The following SYCP2 variants were observed in gnomAD, a reference collection of about 807,000 sequenced individuals.
The protein encoded by SYCP2 is synaptonemal complex protein 2, also known as synaptonemal complex lateral element protein.
Under a neutral mutation model 211.3 loss-of-function variants are expected in SYCP2, and 55 were observed. The ratio of observed to expected loss-of-function variants is 0.26; its 90% CI spans 0.21 to 0.33. SYCP2 has a LOEUF of 0.33. SYCP2 is among the 10% of genes least tolerant of loss of function. SYCP2 has a pLI of 1.00. For synonymous variants in SYCP2, 570 were observed against 555.2 expected (o/e 1.03, Z -0.37); for missense variants, 1,731 against 1,752.0 (o/e 0.99, Z 0.21).
rs769374439 is a variant in SYCP2 at position 59,875,260 on chromosome 20, G to A, written c.3349+11C>T. 1.3e-6 allele frequency: 2 copies of A among 1,562,238 alleles called. No homozygotes were observed. Among genetic ancestry groups the A allele is most frequent in the Non-Finnish European group, 1.7e-6 (2 of 1,148,828 alleles). On this transcript the variant is annotated intron_variant, in intron 34 of 44. Coordinates refer to ENST00000357552, the MANE Select transcript of SYCP2 (RefSeq NM_014258.4). ...AATATTCAAGTAAAGAAAAAACAAA[G>A]TTATACTGACATCTCGTTACTTCTA... is the stretch of plus-strand genomic sequence containing the variant.
Position 59,878,036 on chromosome 20 carries a change from A to G in SYCP2, c.2951T>C (p.Leu984Ser). The G allele has an allele frequency of 6.2e-7, 1 of 1,605,564 alleles. No homozygotes were observed. Among genetic ancestry groups the G allele is most frequent in the East Asian group, 2.3e-5 (1 of 44,388 alleles). ...TTTAGAGCTTGGCTGTCCCTTTTCC[A>G]AGGATGATCCTGTAATTCAGAAAAA... ...NHKSGKSRSS[L>S]EKGQPSSKMT... is the part of the protein sequence containing the mutation. Residue 984 changes from leucine (L) to serine (S), a missense_variant, in exon 32 of 45, where the codon TTG (leucine) becomes TCG (serine). This residue lies in a region of SYCP2 where 1,387 missense variants were observed against 1,351.3 expected (regional missense o/e 1.03). Coordinates refer to ENST00000357552, the MANE Select transcript of SYCP2 (RefSeq NM_014258.4).
Position 59,916,568 on chromosome 20 carries a change from T to C in SYCP2, c.431A>G (p.Lys144Arg), listed in dbSNP as rs766534374. The C allele has an allele frequency of 6.2e-5, 99 of 1,588,894 alleles. No individual in the cohort carries two copies. Among genetic ancestry groups the C allele is most frequent in the Non-Finnish European group, 7.8e-5 (90 of 1,157,318 alleles). The change falls in exon 8 of 45, where the codon AAA (lysine) becomes AGA (arginine). Residue 144 changes from lysine to arginine, a missense_variant. Transcript: ENST00000357552. ...LVIHDVSDEG[K>R]KQVVESFVPR... Reference sequence around the variant, plus strand: ...TACGAAACTTTCCACTACTTGTTTTTTACCTGAATAAAAGTGTTAAATTAT... The same window carrying C: ...TACGAAACTTTCCACTACTTGTTTTCTACCTGAATAAAAGTGTTAAATTAT...
intron 2 of SYCP2, 119 bp from the exon 3 acceptor site, chr20:59,922,578 CCTCA>C: frequency 4.3e-6 from 2 of 470,284 alleles, no homozygotes; most frequent in Non-Finnish European, 7.4e-6. Context: ...ACATTAACTT[CCTCA>C]CTAAACACCT....
intron 19 of SYCP2, 133 bp from the exon 20 acceptor site, chr20:59,895,730 T>A: frequency 1.0e-6 from 1 of 968,284 alleles, no homozygotes; most frequent in Non-Finnish European, 1.6e-6. Flanking sequence ...GATAATTAAG[T>A]GAATATAGAT....
rs2060423643 is a variant in SYCP2, at chr20:59,915,569, T to C, written c.514-19A>G. 7.1e-7 allele frequency: 1 copy of C among 1,409,118 alleles called. No homozygotes were observed. The highest frequency in any genetic ancestry group is 1.0e-6 in the Non-Finnish European group (1 of 995,458). The allele number at this position is 1,409,118 out of a possible 1,614,324, so 87.3% of individuals were successfully genotyped here. On this transcript the variant is annotated intron_variant, in intron 8 of 44. Transcript: ENST00000357552. ...TTATAATCTAGAAAAGAAAAAAAGA[T>C]AATGCATTAACTTTACATTCAGTGA...
At chr20:59,915,590 A>C in intron 8 of SYCP2, 40 bp from the exon 9 acceptor site, 1 of 1,194,804 alleles carries the variant, frequency 8.4e-7, no homozygotes, top group African/African-American at 1.5e-5. Context: ...CTTTACATTC[A>C]GTGAAACACT....
chr20:59,866,691 A>G (rs2059344477), intron 39 of SYCP2, 102 bp from the exon 40 acceptor site: 1 of 780,446 alleles, frequency 1.3e-6, no homozygotes, highest in East Asian at 2.8e-5. Context: ...TAAATTACTA[A>G]GAAGAACTTG....
intron 34 of SYCP2, among the ~76,000 whole-genome samples, chr20:59,874,440 C>T (rs1000076332): frequency 1.3e-5 from 2 of 152,038 alleles, no homozygotes; most frequent in African/African-American, 4.8e-5. Flanking sequence ...GAGAAATCAT[C>T]TGCTCTACAT....
At chr20:59,885,430 G>A (rs947742139) in intron 26 of SYCP2, among the ~76,000 whole-genome samples, 1 of 152,086 alleles carries the variant, frequency 6.6e-6, no homozygotes, top group Non-Finnish European at 1.5e-5. Context: ...AGTTGGCCTC[G>A]ACAGGGGAGA....
intron 44 of SYCP2, 111 bp from the exon 45 acceptor site, chr20:59,864,499 C>T: frequency 1.4e-6 from 1 of 690,592 alleles, no homozygotes; most frequent in Non-Finnish European, 2.4e-6. Context: ...CATTTTAAAA[C>T]AACTTCTTTC....
At chr20:59,882,793 G>C (rs935593599) in intron 26 of SYCP2, among the ~76,000 whole-genome samples, 26 of 151,832 alleles carry the variant, frequency 1.7e-4, no homozygotes, top group Non-Finnish European at 3.1e-4. Flanking sequence ...GGAAGGAGTA[G>C]GGGGGGAACT....
intron 35 of SYCP2, among the ~76,000 whole-genome samples, chr20:59,872,165 T>C (rs2059463991): frequency 6.6e-6 from 1 of 152,028 alleles, no homozygotes; most frequent in Non-Finnish European, 1.5e-5. Flanking sequence ...GCAGTTTTGC[T>C]TTCCAGGGTT....
chr20:59,901,807 C>T lies in SYCP2; in HGVS notation c.1037G>A (p.Arg346Lys), dbSNP rs139880860. Residue 346 changes from arginine to lysine, a missense_variant, in exon 16 of 45, where the codon AGA becomes AAA. By Grantham distance (26) the Arg-to-Lys change is conservative. Around this residue, in one of 3 missense-constraint regions of SYCP2, gnomAD observed 9 missense variants for 21.9 expected, o/e 0.41. Coordinates refer to ENST00000357552, the MANE Select transcript of SYCP2 (RefSeq NM_014258.4). The stretch of plus-strand genomic sequence containing the variant: ...TATTGTCAGTAGCTTCTTTGATTCT[C>T]TCACTGTATAGAAACAACACTGATT... The part of the protein sequence containing the change: ...EKVQIYSIEV[R>K]ESKKLLTIIL... 1.0e-4 allele frequency: 159 copies of T among 1,589,802 alleles called. No individual in the cohort carries two copies. The African/African-American group carries it at 2.1e-3, about 21-fold the overall frequency.
intron 3 of SYCP2, among the ~76,000 whole-genome samples, chr20:59,921,882 A>T (rs982359407): frequency 6.6e-6 from 1 of 151,610 alleles, no homozygotes; most frequent in Non-Finnish European, 1.5e-5. Flanking sequence ...TTTAGAAATT[A>T]TGCCAACTAA....
intron 2 of SYCP2, among the ~76,000 whole-genome samples, chr20:59,923,849 A>G (rs986621334): frequency 6.6e-6 from 1 of 151,910 alleles, no homozygotes; most frequent in African/African-American, 2.4e-5. Context: ...GAGAAACAGA[A>G]AGAGACCCAG....
intron 12 of SYCP2, among the ~76,000 whole-genome samples, chr20:59,912,915 G>A (rs1328140112): frequency 6.6e-6 from 1 of 152,180 alleles, no homozygotes; most frequent in Non-Finnish European, 1.5e-5. Context: ...GATGGGACTT[G>A]CTCCTCCTTG....
Position 59,900,274 on chromosome 20 carries a change from G to A in SYCP2, c.1268C>T (p.Pro423Leu), listed in dbSNP as rs774484827. 4 of 1,601,270 alleles carry A rather than the reference G, an allele frequency of 2.5e-6. No individual in the cohort carries two copies. The highest frequency in any genetic ancestry group is 2.5e-6 in the Non-Finnish European group (3 of 1,176,520). Residue 423 changes from proline (P) to leucine (L), a missense_variant, in exon 18 of 45, where the codon CCA (proline) becomes CTA (leucine). Physicochemically the swap from Pro to Leu is moderately conservative, Grantham distance 98. This residue lies in a region of SYCP2 where 1,387 missense variants were observed against 1,351.3 expected (regional missense o/e 1.03). Transcript: ENST00000357552. ...TCCGACTGGTGAGATTTGACTTTCT[G>A]GCACTAGAATCTGTTGGAGAATATG... Reference protein sequence around the residue: ...FDASGSQILVPESQISPVGEE... With the variant: ...FDASGSQILVLESQISPVGEE...
chr20:59,894,984 G>A (rs2059979396), intron 20 of SYCP2, among the ~76,000 whole-genome samples: 1 of 151,868 alleles, frequency 6.6e-6, no homozygotes, highest in Non-Finnish European at 1.5e-5. Context: ...TCTAGCTATG[G>A]GGTTAGGCAC....
chr20:59,871,529 T>C (rs1430190925), intron 35 of SYCP2, among the ~76,000 whole-genome samples: 1 of 151,828 alleles, frequency 6.6e-6, no homozygotes, highest in Admixed American at 6.6e-5. Flanking sequence ...GCATCAAAGA[T>C]GGTGGGTGGG....
Sources: allele counts gnomAD v4.1 joint callset (sites outside exome capture counted in the v4.1 genomes callset), GRCh38; gene constraint gnomAD v4.1.1; regional missense constraint gnomAD v4.1.1; transcripts MANE v1.5; gene names NCBI Gene and HGNC (gene_info 2026-07-23, HGNC 2026-07-21).